The following PICK1 variants were observed in gnomAD, a reference collection of about 807,000 sequenced individuals.
PICK1 encodes PRKCA-binding protein.
A neutral mutation model predicts 48.9 loss-of-function variants in PICK1; 23 were observed. The ratio of observed to expected loss-of-function variants is 0.47; its 90% CI spans 0.34 to 0.67. The LOEUF is 0.67. Among genes scored for constraint, PICK1 ranks in the 30% least tolerant of loss-of-function variants. PICK1 has a pLI of 0.01. For synonymous variants in PICK1, 217 were observed against 228.2 expected, an observed-to-expected ratio of 0.95 and a Z score of 0.44; for missense variants, 423 against 557.1, an observed-to-expected ratio of 0.76 and a Z score of 2.42.
Position 38,059,242 on chromosome 22 carries a change from C to A in PICK1, c.50C>A (p.Pro17Gln). 1.9e-6 allele frequency: 3 copies of A among 1,577,980 alleles called. No individual in the cohort carries two copies. The highest frequency in any genetic ancestry group is 1.7e-6 in the Non-Finnish European group (2 of 1,161,220). The change falls in exon 3 of 13, where the codon CCG becomes CAG. Residue 17 changes from proline (P) to glutamine (Q), a missense_variant. This residue lies in a region of PICK1 where 279 missense variants were observed against 417.8 expected (regional missense o/e 0.67). Transcript: ENST00000356976. ...YDIEEDKLGI[P>Q]TVPGKVTLQK... Reference sequence around the variant, plus strand: ...CTTGCTTTCCTTTCTAGCGGAATCCCGACTGTGCCTGGGAAGGTGACCCTG... The same window carrying A: ...CTTGCTTTCCTTTCTAGCGGAATCCAGACTGTGCCTGGGAAGGTGACCCTG...
intron 2 of PICK1, 70 bp from the exon 3 acceptor site, chr22:38,059,164 T>G (rs2085339638): frequency 8.6e-7 from 1 of 1,163,608 alleles, no homozygotes; most frequent in Non-Finnish European, 1.3e-6. Flanking sequence ...CCCTCAGGAG[T>G]TTTAGAGGGC....
At chr22:38,067,883 G>A (rs1403090431) in intron 5 of PICK1, 113 bp downstream of exon 5, 3 of 885,114 alleles carry the variant, frequency 3.4e-6, no homozygotes, top group Middle Eastern at 2.1e-4. Flanking sequence ...GGAGAATCCA[G>A]AGTTACATGG....
chr22:38,073,929 A>C lies in PICK1; in HGVS notation c.834+106A>C. The C allele has an allele frequency of 8.7e-7, 1 of 1,153,154 alleles. No homozygotes were observed. The highest frequency in any genetic ancestry group is 1.2e-5 in the South Asian group (1 of 80,964). The allele number at this position is 1,153,154 out of a possible 1,614,324, so 71.4% of individuals were successfully genotyped here. A position where few individuals can be genotyped will look rare whatever the true frequency, so the allele number is the denominator to read the frequency against. On this transcript the variant is annotated intron_variant, in intron 11 of 12. Coordinates refer to ENST00000356976, the MANE Select transcript of PICK1 (RefSeq NM_012407.4). This position sits in a 1 kb window ranked among gnomAD's most constrained non-coding sequence, Gnocchi z 5.7. ...GGAGAGACCGGGGGGACTTGGCTGG[A>C]CTCTCGTTCCTGGAGATTTAGGGCC...
At chr22:38,060,659 C>G (rs941917194) in intron 3 of PICK1, among the ~76,000 whole-genome samples, 2 of 152,130 alleles carry the variant, frequency 1.3e-5, no homozygotes, top group Admixed American at 1.3e-4. Flanking sequence ...GCCTCCTGGC[C>G]GTGTGTCTGC....
intron 5 of PICK1, chr22:38,068,151 GC>G: frequency 2.1e-6 from 1 of 471,526 alleles, no homozygotes. Context: ...GGCGCCTCAT[GC>G]CCTCTAGCAC....
At position 38,073,673 on chromosome 22, in the gene PICK1, C is replaced by T; in HGVS notation, c.784-100C>T. 1 of 1,106,830 alleles carries T rather than the reference C, an allele frequency of 9.0e-7. No homozygotes were observed. The highest frequency in any genetic ancestry group is 1.4e-6 in the Non-Finnish European group (1 of 720,490). The allele number at this position is 1,106,830 out of a possible 1,614,324, so 68.6% of individuals were successfully genotyped here. A position where few individuals can be genotyped will look rare whatever the true frequency, so the allele number is the denominator to read the frequency against. ...GCCCGCTCTGGGACTCCCTGAACAC[C>T]TGCGCCAGCCTCTCCTGCTGCGTGT... is the stretch of plus-strand genomic sequence containing the variant. On this transcript the variant is annotated intron_variant, in intron 10 of 12. Coordinates refer to ENST00000356976, the MANE Select transcript of PICK1 (RefSeq NM_012407.4). The surrounding 1 kb of genome is among the most constrained non-coding windows in gnomAD (Gnocchi z 5.7).
intron 4 of PICK1, 176 bp downstream of exon 4, chr22:38,065,306 C>T: frequency 1.5e-6 from 1 of 673,850 alleles, no homozygotes; most frequent in Non-Finnish European, 2.7e-6. Flanking sequence ...CTCATTCATT[C>T]AATAAATACT....
chr22:38,069,351 A>G (rs1162351460), intron 6 of PICK1, among the ~76,000 whole-genome samples: 1 of 152,182 alleles, frequency 6.6e-6, no homozygotes, highest in Non-Finnish European at 1.5e-5. Flanking sequence ...CTCAGGTCAC[A>G]GATGGGAAAA....
chr22:38,073,136 C>A lies in PICK1; in HGVS notation c.783+44C>A. On this transcript the variant is annotated intron_variant, in intron 10 of 12. Transcript: ENST00000356976. The surrounding 1 kb of genome is among the most constrained non-coding windows in gnomAD (Gnocchi z 5.7). ...CAGGCTGCTAGGGCAAGCGCCCACC[C>A]TGGAGATCTGCCCCACTTCAGTCAG... 1 of 1,254,038 alleles carries A rather than the reference C, an allele frequency of 8.0e-7. No individual in the cohort carries two copies. Among genetic ancestry groups the A allele is most frequent in the Non-Finnish European group, 1.2e-6 (1 of 851,772 alleles). The allele number at this position is 1,254,038 out of a possible 1,614,324, so 77.7% of individuals were successfully genotyped here. A position where few individuals can be genotyped will look rare whatever the true frequency, so the allele number is the denominator to read the frequency against.
chr22:38,072,954 C>T (rs767551951), intron 9 of PICK1, 46 bp from the exon 10 acceptor site: 6 of 1,287,194 alleles, frequency 4.7e-6, no homozygotes, highest in Non-Finnish European at 6.8e-6. Context: ...GTCACCCTGG[C>T]ACACCCCTGC....
At chr22:38,071,215 T>C (rs2085679213) in intron 7 of PICK1, among the ~76,000 whole-genome samples, 1 of 151,934 alleles carries the variant, frequency 6.6e-6, no homozygotes, top group Non-Finnish European at 1.5e-5. Flanking sequence ...GGCATGATGG[T>C]GTGTGCCTAT....
rs1045826568 is a variant in PICK1 at position 38,066,655 on chromosome 22, C to T, written c.283-1049C>T. Among the ~76,000 whole-genome samples the T allele has an allele frequency of 1.2e-4, 18 of 152,244 alleles. No individual in the cohort carries two copies. The highest frequency in any genetic ancestry group is 1.5e-5 in the Non-Finnish European group (1 of 68,046). ...CTCCCTGTGGGGTGGCCCCTGAGCA[C>T]GCCTGTGTTTCATTCTGCGGGAGCA... is the stretch of plus-strand genomic sequence containing the variant. On this transcript the variant is annotated intron_variant, in intron 4 of 12. Transcript: ENST00000356976. This position sits in a 1 kb window ranked among gnomAD's most constrained non-coding sequence, Gnocchi z 4.1.
rs931748779 is a variant in PICK1, at chr22:38,073,540, C to T, written c.784-233C>T. On this transcript the variant is annotated intron_variant, in intron 10 of 12. Transcript: ENST00000356976. This position sits in a 1 kb window ranked among gnomAD's most constrained non-coding sequence, Gnocchi z 5.7. ...GTGAATTTTCAAGGGTCTTCCTAAG[C>T]TCCTTTAACGACAGACCCCTTTTTC... Among the ~76,000 whole-genome samples the T allele has an allele frequency of 3.9e-5, 6 of 152,232 alleles. No individual in the cohort carries two copies. The highest frequency in any genetic ancestry group is 2.6e-4 in the Admixed American group (4 of 15,284).
At chr22:38,058,004 T>G (rs536114517) in intron 2 of PICK1, 154 bp downstream of exon 2, 2 of 720,904 alleles carry the variant, frequency 2.8e-6, no homozygotes, top group Admixed American at 2.0e-5. Context: ...GAGCTCACTA[T>G]TTGTAGGGGG....
intron 3 of PICK1, among the ~76,000 whole-genome samples, chr22:38,061,263 C>T (rs974623643): frequency 3.3e-5 from 5 of 152,014 alleles, no homozygotes; most frequent in African/African-American, 9.7e-5. Flanking sequence ...ATCGCTTGAA[C>T]CCGGGAGATG....
Position 38,073,759 on chromosome 22 carries a change from C to T in PICK1, c.784-14C>T. The T allele has an allele frequency of 6.2e-7, 1 of 1,612,766 alleles. No homozygotes were observed. Among genetic ancestry groups the T allele is most frequent in the Non-Finnish European group, 8.5e-7 (1 of 1,179,258 alleles). ...GGTAGTAGCCACTCTGACAGCCTCA[C>T]CTGTCCCACACAGTCGTACTGCCTG... On this transcript the variant is annotated splice_polypyrimidine_tract_variant and intron_variant, in intron 10 of 12. Transcript: ENST00000356976. The surrounding 1 kb of genome is among the most constrained non-coding windows in gnomAD (Gnocchi z 5.7).
rs766486695 is a variant in PICK1, at chr22:38,071,731, G to A, written c.543G>A (p.Ser181=). Residue 181 remains serine (S), a synonymous_variant, in exon 8 of 13, where the codon TCG becomes TCA. Coordinates refer to ENST00000356976, the MANE Select transcript of PICK1 (RefSeq NM_012407.4). ...TCCTACGGGCCTTTTATGAGCTGTC[G>A]CAGACTCACCGGGGTAATGGCATCC... The part of the protein sequence containing the change: ...KNLLRAFYEL[S]QTHRAFGDVF... 66 of 1,613,168 alleles carry A rather than the reference G, an allele frequency of 4.1e-5. No homozygotes were observed. Among genetic ancestry groups the A allele is most frequent in the East Asian group, 6.7e-5 (3 of 44,884 alleles).
chr22:38,062,383 G>A (rs1046027843), intron 3 of PICK1, among the ~76,000 whole-genome samples: 2 of 152,024 alleles, frequency 1.3e-5, no homozygotes, highest in African/African-American at 4.8e-5. Flanking sequence ...AAGTAGCTGG[G>A]ATTACAGGCA....
chr22:38,062,801 C>T (rs1048146092), intron 3 of PICK1, among the ~76,000 whole-genome samples: 1 of 152,182 alleles, frequency 6.6e-6, no homozygotes, highest in Non-Finnish European at 1.5e-5. Flanking sequence ...TTGGCTCATT[C>T]GATTCAAGAA....
Sources: allele counts gnomAD v4.1 joint callset (sites outside exome capture counted in the v4.1 genomes callset), GRCh38; gene constraint gnomAD v4.1.1; regional missense constraint gnomAD v4.1.1; non-coding constraint Gnocchi (gnomAD v3.1); transcripts MANE v1.5; gene names NCBI Gene and HGNC (gene_info 2026-07-23, HGNC 2026-07-21).